Variants in EPM2A observed in about 807,000 individuals in gnomAD.
EPM2A encodes EPM2A glucan phosphatase, laforin.
In EPM2A, 21 loss-of-function variants were observed where a neutral mutation model predicts 26.5. That is an observed-to-expected ratio of 0.79 (90% confidence interval 0.56 to 1.14). The LOEUF (loss-of-function observed/expected upper bound fraction) is 1.14, where lower values mean the gene tolerates loss of function less well. EPM2A is among the 50% of genes most tolerant of loss of function. The pLI, the probability that EPM2A is intolerant of heterozygous loss-of-function variation, is 0.00. For synonymous variants in EPM2A, 217 were observed against 177.6 expected (o/e 1.22, Z -1.76); for missense variants, 458 against 440.8 (o/e 1.04, Z -0.35).
chr6:145,460,624 G>A (rs1043825190), intron 4 of EPM2A, among the ~76,000 whole-genome samples: 8 of 151,940 alleles, frequency 5.3e-5, no homozygotes, highest in East Asian at 1.9e-4. Context: ...CTTCCTGTAC[G>A]AGAGGGAAGA....
chr6:145,531,869 T>C (rs1158003208), intron 2 of EPM2A, among the ~76,000 whole-genome samples: 5 of 152,320 alleles, frequency 3.3e-5, no homozygotes, highest in African/African-American at 9.6e-5. Context: ...CTGCTACCTA[T>C]ACCTGTTACA....
chr6:145,668,466 T>C (rs1001498352), intron 2 of EPM2A, among the ~76,000 whole-genome samples: 2 of 152,230 alleles, frequency 1.3e-5, no homozygotes, highest in Non-Finnish European at 2.9e-5. Flanking sequence ...ATGGAATATA[T>C]AAGCTTTAAA....
At chr6:145,436,032 G>C (rs957626640) in intron 4 of EPM2A, among the ~76,000 whole-genome samples, 5 of 152,056 alleles carry the variant, frequency 3.3e-5, no homozygotes, top group Non-Finnish European at 7.4e-5. Flanking sequence ...AAAATGACAG[G>C]TATCCACCAC....
At chr6:145,469,881 GAA>G (rs1423987472) in intron 4 of EPM2A, among the ~76,000 whole-genome samples, 2 of 152,074 alleles carry the variant, frequency 1.3e-5, no homozygotes, top group East Asian at 3.9e-4. Flanking sequence ...ATCATGGATG[GAA>G]CTTGAGATCA....
At chr6:145,457,500 A>G (rs183157625) in intron 4 of EPM2A, among the ~76,000 whole-genome samples, 1 of 150,954 alleles carries the variant, frequency 6.6e-6, no homozygotes, top group Admixed American at 6.6e-5. Flanking sequence ...AAAAAAAAAG[A>G]AAAAGAAAAA....
intron 4 of EPM2A, among the ~76,000 whole-genome samples, chr6:145,473,966 T>A (rs1779508488): frequency 2.6e-5 from 4 of 152,036 alleles, no homozygotes; most frequent in African/African-American, 9.7e-5. Context: ...TAAATAATCA[T>A]CTGAAGGTAC....
At chr6:145,391,508 A>T (rs1313060745) in intron 4 of EPM2A, among the ~76,000 whole-genome samples, 1 of 152,180 alleles carries the variant, frequency 6.6e-6, no homozygotes, top group Non-Finnish European at 1.5e-5. Flanking sequence ...TAGCTTAGAC[A>T]CATGTGCCTG....
chr6:145,719,366 G>A (rs1467853316), intron 1 of EPM2A, among the ~76,000 whole-genome samples: 2 of 149,156 alleles, frequency 1.3e-5, no homozygotes, highest in African/African-American at 5.0e-5. Flanking sequence ...GTAAACTATC[G>A]CAAGAACAAA....
chr6:145,445,433 T>C (rs1779117658), intron 4 of EPM2A, among the ~76,000 whole-genome samples: 1 of 152,202 alleles, frequency 6.6e-6, no homozygotes, highest in African/African-American at 2.4e-5. Flanking sequence ...TAATTGTTTA[T>C]GAATAAGGTC....
At chr6:145,539,580 A>G (rs143308397) in intron 2 of EPM2A, among the ~76,000 whole-genome samples, 6 of 152,298 alleles carry the variant, frequency 3.9e-5, no homozygotes, top group Admixed American at 1.3e-4. Flanking sequence ...ATAATTCCTT[A>G]TGTCTTTCCA....
chr6:145,522,184 C>A (rs1037267578), intron 2 of EPM2A, among the ~76,000 whole-genome samples: 1 of 152,070 alleles, frequency 6.6e-6, no homozygotes, highest in Non-Finnish European at 1.5e-5. Context: ...GATCTCCTGA[C>A]TTCGTGATCC....
chr6:145,405,980 CTA>C (rs1491201630), intron 4 of EPM2A, among the ~76,000 whole-genome samples: 2 of 57,262 alleles, frequency 3.5e-5, no homozygotes, highest in Non-Finnish European at 7.9e-5. Flanking sequence ...ATGGAGATAC[CTA>C]CACACACACA....
intron 1 of EPM2A, among the ~76,000 whole-genome samples, chr6:145,709,722 G>A (rs1249273911): frequency 6.6e-6 from 1 of 152,150 alleles, no homozygotes; most frequent in Admixed American, 6.5e-5. Flanking sequence ...GCTTGTAGAG[G>A]AAGGATTGAA....
intron 2 of EPM2A, among the ~76,000 whole-genome samples, chr6:145,523,189 T>C (rs775292860): frequency 2.1e-4 from 32 of 152,228 alleles, no homozygotes; most frequent in Admixed American, 6.5e-4. Context: ...GGGCACAAAA[T>C]AGGCAATCAA....
At chr6:145,473,038 A>C (rs1779496183) in intron 4 of EPM2A, among the ~76,000 whole-genome samples, 1 of 152,084 alleles carries the variant, frequency 6.6e-6, no homozygotes, top group Non-Finnish European at 1.5e-5. Flanking sequence ...ACATGACCCT[A>C]CCAAATGAAT....
chr6:145,572,430 T>C (rs1345794236), intron 2 of EPM2A, among the ~76,000 whole-genome samples: 2 of 152,160 alleles, frequency 1.3e-5, no homozygotes, highest in Non-Finnish European at 2.9e-5. Context: ...TGATCACATA[T>C]ATACCACTTC....
downstream of EPM2A, among the ~76,000 whole-genome samples, chr6:145,498,114 CT>C (rs1779843919): frequency 6.6e-6 from 1 of 152,170 alleles, no homozygotes; most frequent in African/African-American, 2.4e-5. Flanking sequence ...GATCCCTTCT[CT>C]CCCCAGTCAG....
intron 2 of EPM2A, among the ~76,000 whole-genome samples, chr6:145,651,922 C>A (rs1777911832): frequency 6.6e-6 from 1 of 152,082 alleles, no homozygotes; most frequent in African/African-American, 2.4e-5. Context: ...AAAATTCTAT[C>A]CGCCCTCTTC....
intron 4 of EPM2A, among the ~76,000 whole-genome samples, chr6:145,392,738 C>T (rs1424087996): frequency 6.6e-6 from 1 of 152,098 alleles, no homozygotes; most frequent in Non-Finnish European, 1.5e-5. Flanking sequence ...TCAACCAGGC[C>T]TTCTCAGTGG....
Sources: allele counts gnomAD v4.1 joint callset (sites outside exome capture counted in the v4.1 genomes callset), GRCh38; gene constraint gnomAD v4.1.1; transcripts MANE v1.5; gene names NCBI Gene and HGNC (gene_info 2026-07-23, HGNC 2026-07-21).